AMPH: variants seen among roughly 807,000 people sequenced by gnomAD.
AMPH encodes the protein amphiphysin.
AMPH carries 49 observed loss-of-function variants against 99.1 expected under a neutral mutation model. The ratio of observed to expected loss-of-function variants is 0.49; its 90% CI spans 0.39 to 0.63. The LOEUF (loss-of-function observed/expected upper bound fraction) is 0.63. Ranked by LOEUF, AMPH falls within the 20% of genes least tolerant of loss-of-function variation. The pLI, the probability that AMPH is intolerant of heterozygous loss-of-function variation, is 0.00. For missense variants in AMPH, 759 were observed against 863.4 expected (o/e 0.88, Z 1.52); for synonymous variants, 314 against 317.3 (o/e 0.99, Z 0.11).
intron 1 of AMPH, among the ~76,000 whole-genome samples, chr7:38,560,251 C>G (rs1335356239): frequency 3.9e-5 from 6 of 152,172 alleles, no homozygotes; most frequent in African/African-American, 1.4e-4. Flanking sequence ...ATCCTGGGCC[C>G]TCCTCTCTGT....
At chr7:38,597,792 C>A (rs554188621) in intron 1 of AMPH, among the ~76,000 whole-genome samples, 1 of 152,284 alleles carries the variant, frequency 6.6e-6, no homozygotes, top group African/African-American at 2.4e-5. Flanking sequence ...ATAGCTTTAT[C>A]TTTCCATCTT....
chr7:38,487,981 C>A (rs914022892), intron 5 of AMPH, among the ~76,000 whole-genome samples: 3 of 152,212 alleles, frequency 2.0e-5, no homozygotes, highest in African/African-American at 7.2e-5. Flanking sequence ...GAGATACCAT[C>A]TCATGCCAGT....
chr7:38,614,136 A>G (rs1249739337), intron 1 of AMPH, among the ~76,000 whole-genome samples: 1 of 152,204 alleles, frequency 6.6e-6, no homozygotes, highest in Admixed American at 6.5e-5. Context: ...ATGAGAGCTT[A>G]GCCACATGAC....
Position 38,384,569 on chromosome 7 carries a change from C to G in AMPH, c.*249G>C, listed in dbSNP as rs975279671. On this transcript the variant is annotated 3_prime_UTR_variant, in exon 21 of 21. Coordinates refer to ENST00000356264, the MANE Select transcript of AMPH (RefSeq NM_001635.4). ...GGGAGGGGATCAAGTACAAGAGTCT[C>G]CACAGCTTGGACAAAGCACAAACAA... 2 of 400,108 alleles carry G rather than the reference C, an allele frequency of 5.0e-6. No homozygotes were observed. Among genetic ancestry groups the G allele is most frequent in the African/African-American group, 4.0e-5 (2 of 50,368 alleles). 24.8% of individuals were successfully genotyped at this position (400,108 alleles called of 1,614,324 possible).
In AMPH at chr7:38,564,283, G is replaced by C. The variant is rs573079789; in HGVS notation, c.70-29272C>G. ...GTGGAGATGAGGTGACAGAACCCCT[G>C]CACACGTCAAGCAGGGATCAGGGAC... On this transcript the variant is annotated intron_variant, in intron 1 of 20. Transcript: ENST00000356264. Among the ~76,000 whole-genome samples, 60 of 152,316 alleles carry C rather than the reference G, an allele frequency of 3.9e-4. 1 individual carries two copies. The highest frequency in any genetic ancestry group is 1.4e-3 in the African/African-American group (57 of 41,574).
chr7:38,447,362 C>A (rs376699101), intron 11 of AMPH, among the ~76,000 whole-genome samples: 1 of 152,180 alleles, frequency 6.6e-6, no homozygotes, highest in Non-Finnish European at 1.5e-5. Flanking sequence ...GCATTTTACA[C>A]ACAAAATTAG....
chr7:38,455,839 T>C (rs544268434), intron 11 of AMPH, among the ~76,000 whole-genome samples: 1 of 152,362 alleles, frequency 6.6e-6, no homozygotes, highest in South Asian at 2.1e-4. Context: ...AAGGACTGCA[T>C]TCTGCTCTGG....
chr7:38,598,030 G>T (rs1793118382), intron 1 of AMPH, among the ~76,000 whole-genome samples: 1 of 152,142 alleles, frequency 6.6e-6, no homozygotes, highest in Non-Finnish European at 1.5e-5. Flanking sequence ...TAAAGCTGGG[G>T]TCATTTTTTC....
intron 1 of AMPH, among the ~76,000 whole-genome samples, chr7:38,624,462 G>A (rs1050150800): frequency 5.9e-5 from 9 of 151,438 alleles, no homozygotes; most frequent in Admixed American, 1.3e-4. Context: ...TGGCACAATC[G>A]CGGCTCACTG....
At chr7:38,584,460 C>T (rs1429634924) in intron 1 of AMPH, among the ~76,000 whole-genome samples, 1 of 152,214 alleles carries the variant, frequency 6.6e-6, no homozygotes, top group Non-Finnish European at 1.5e-5. Context: ...TGAGATGTCG[C>T]CGCAGTGAGG....
intron 1 of AMPH, among the ~76,000 whole-genome samples, chr7:38,536,618 G>A (rs564659431): frequency 6.6e-6 from 1 of 152,128 alleles, no homozygotes; most frequent in African/African-American, 2.4e-5. Context: ...ATTCACACAT[G>A]TATTACCAAT....
At chr7:38,461,019 A>C (rs1787418230) in intron 11 of AMPH, among the ~76,000 whole-genome samples, 1 of 152,194 alleles carries the variant, frequency 6.6e-6, no homozygotes, top group African/African-American at 2.4e-5. Context: ...AAAATAAGAT[A>C]AATTATTCAT....
chr7:38,602,299 C>G lies in AMPH; in HGVS notation c.69+28984G>C, dbSNP rs144559811. 2.4e-3 allele frequency among the ~76,000 whole-genome samples: 363 copies of G among 152,292 alleles called. 1 individual carries two copies. The highest frequency in any genetic ancestry group is 8.2e-3 in the African/African-American group (341 of 41,546). ...TCTAAATTGATTTCTGTGTCTGTTT[C>G]CCATAGCTGTTATAACAACTACCAC... On this transcript the variant is annotated intron_variant, in intron 1 of 20. Transcript: ENST00000356264.
chr7:38,438,991 C>G (rs777573720), intron 11 of AMPH, among the ~76,000 whole-genome samples: 3 of 152,186 alleles, frequency 2.0e-5, no homozygotes, highest in Non-Finnish European at 4.4e-5. Context: ...AAGGGAGGAA[C>G]CTGGTGAGAG....
At chr7:38,590,422 G>C (rs569336606) in intron 1 of AMPH, among the ~76,000 whole-genome samples, 1 of 152,278 alleles carries the variant, frequency 6.6e-6, no homozygotes, top group South Asian at 2.1e-4. Context: ...TGAAAGCTCA[G>C]CTTGAGCCAG....
At chr7:38,578,870 C>T (rs1792344043) in intron 1 of AMPH, among the ~76,000 whole-genome samples, 1 of 152,140 alleles carries the variant, frequency 6.6e-6, no homozygotes, top group South Asian at 2.1e-4. Flanking sequence ...TACATTTTTA[C>T]AAATATCTTT....
intron 17 of AMPH, among the ~76,000 whole-genome samples, chr7:38,409,891 A>G (rs1435213158): frequency 6.6e-6 from 1 of 152,212 alleles, no homozygotes; most frequent in Non-Finnish European, 1.5e-5. Flanking sequence ...TAAAGTTTTA[A>G]TTAGTGATTT....
At chr7:38,528,428 T>C (rs191790653) in intron 2 of AMPH, among the ~76,000 whole-genome samples, 2 of 152,324 alleles carry the variant, frequency 1.3e-5, no homozygotes, top group African/African-American at 4.8e-5. Flanking sequence ...TATTAAACTA[T>C]TCAAATTGTC....
chr7:38,631,092 C>T lies in AMPH; in HGVS notation c.69+191G>A, dbSNP rs1365632533. On this transcript the variant is annotated intron_variant, in intron 1 of 20. Transcript: ENST00000356264. Reference sequence around the variant, plus strand: ...GCGCTGCGTCCTCCCGACCCGCTCCCCGCGGCGCCCGGGTCGCGCCTTGCG... The same window carrying T: ...GCGCTGCGTCCTCCCGACCCGCTCCTCGCGGCGCCCGGGTCGCGCCTTGCG... Among the ~76,000 whole-genome samples the T allele has an allele frequency of 2.0e-5, 3 of 151,998 alleles. No individual in the cohort carries two copies. The East Asian group carries it at 5.8e-4, about 29-fold the overall frequency.
Sources: allele counts gnomAD v4.1 joint callset (sites outside exome capture counted in the v4.1 genomes callset), GRCh38; gene constraint gnomAD v4.1.1; transcripts MANE v1.5; gene names NCBI Gene and HGNC (gene_info 2026-07-23, HGNC 2026-07-21).